Variants in ARHGAP39 observed in about 807,000 individuals in gnomAD.
ARHGAP39 encodes Rho GTPase activating protein 39, also known as rho GTPase-activating protein 39.
In ARHGAP39, 44 loss-of-function variants were observed where a neutral mutation model predicts 106.9. That is an observed-to-expected ratio of 0.41 (90% CI 0.32 to 0.53). ARHGAP39 has a LOEUF of 0.53. Ranked by LOEUF, ARHGAP39 falls within the 20% of genes least tolerant of loss-of-function variation. The probability of loss-of-function intolerance (pLI) is 0.21; values close to 1 mark genes in which losing one functional copy is unlikely to be tolerated. For missense variants in ARHGAP39, 1,496 were observed against 1,577.3 expected (o/e 0.95, Z 0.87); for synonymous variants, 768 against 693.2 (o/e 1.11, Z -1.69).
intron 3 of ARHGAP39, among the ~76,000 whole-genome samples, chr8:144,574,543 G>A (rs113554215): frequency 0.067 from 10,186 of 152,024 alleles, 1,112 homozygotes; most frequent in African/African-American, 0.23. Context: ...GTGTGGTGGC[G>A]GGCACCTGTA....
intron 1 of ARHGAP39, among the ~76,000 whole-genome samples, chr8:144,610,277 CGTTT>C (rs1343911331): frequency 6.6e-6 from 1 of 152,104 alleles, no homozygotes; most frequent in Non-Finnish European, 1.5e-5. Flanking sequence ...ACAGCTTAAT[CGTTT>C]TTTTTCTATT....
intron 1 of ARHGAP39, among the ~76,000 whole-genome samples, chr8:144,676,108 C>T (rs1372465588): frequency 6.6e-6 from 1 of 152,184 alleles, no homozygotes; most frequent in Non-Finnish European, 1.5e-5. Context: ...GTGCGAAGAG[C>T]AAAAGAACAA....
the ARHGAP39 span, among the ~76,000 whole-genome samples, chr8:144,693,933 C>T: frequency 1.5e-4 from 23 of 152,046 alleles, no homozygotes; most frequent in East Asian, 2.3e-3. Context: ...GGGAGGGAGA[C>T]GGGGAGGCTG....
At chr8:144,674,079 G>T (rs951983853) in intron 1 of ARHGAP39, among the ~76,000 whole-genome samples, 1 of 152,080 alleles carries the variant, frequency 6.6e-6, no homozygotes, top group East Asian at 1.9e-4. Context: ...GCTCCCCAAA[G>T]TGCTGCAGCT....
chr8:144,676,023 C>T (rs1257446272), intron 1 of ARHGAP39, among the ~76,000 whole-genome samples: 2 of 152,202 alleles, frequency 1.3e-5, no homozygotes, highest in Admixed American at 1.3e-4. Context: ...AGGAGTGAAG[C>T]TGCAGACCTT....
chr8:144,615,832 C>T (rs546907815), intron 1 of ARHGAP39, among the ~76,000 whole-genome samples: 42 of 152,362 alleles, frequency 2.8e-4, no homozygotes, highest in Non-Finnish European at 4.7e-4. Flanking sequence ...TGGGCAAAGA[C>T]ACGACCCCAG....
chr8:144,674,353 G>A (rs1045401725), intron 1 of ARHGAP39, among the ~76,000 whole-genome samples: 2 of 152,196 alleles, frequency 1.3e-5, no homozygotes, highest in African/African-American at 2.4e-5. Context: ...TTGTCTTGAC[G>A]ACTGTTCAGG....
At chr8:144,617,185 C>A (rs1400344527) in intron 1 of ARHGAP39, among the ~76,000 whole-genome samples, 1 of 150,392 alleles carries the variant, frequency 6.6e-6, no homozygotes, top group Non-Finnish European at 1.5e-5. Context: ...CTGGCCTGGG[C>A]GACAGAGCGA....
intron 1 of ARHGAP39, among the ~76,000 whole-genome samples, chr8:144,643,373 A>G (rs1364321476): frequency 6.6e-6 from 1 of 152,138 alleles, no homozygotes; most frequent in Non-Finnish European, 1.5e-5. Flanking sequence ...GGACTGCTTG[A>G]GCCCGGGAGG....
Position 144,547,910 on chromosome 8 carries a change from C to T in ARHGAP39, c.1176G>A (p.Lys392=). ...CGTAGACCAGCTGCCGCACGTACTCCTTGCCGGCGGGACTGTACTCCAGGC... is the reference window on the plus strand; with the variant it reads ...CGTAGACCAGCTGCCGCACGTACTCTTTGCCGGCGGGACTGTACTCCAGGC... ...FLSLEYSPAG[K]EYVRQLVYVE... Residue 392 remains lysine, a synonymous_variant, in exon 5 of 12, where the codon AAG becomes AAA. Coordinates refer to ENST00000377307, the MANE Select transcript of ARHGAP39 (RefSeq NM_025251.3). This position sits in a 1 kb window ranked among gnomAD's most constrained non-coding sequence, Gnocchi z 5.2. The T allele has an allele frequency of 1.3e-6, 2 of 1,585,278 alleles. No homozygotes were observed. Among genetic ancestry groups the T allele is most frequent in the Non-Finnish European group, 1.7e-6 (2 of 1,166,472 alleles).
Position 144,538,488 on chromosome 8 carries a change from A to C in ARHGAP39, c.2522-675T>G, listed in dbSNP as rs1480464571. ...CTCCTGGAGGGTGGATATGTACGTA[A>C]ATTATTTGTCATTATTCTGCACAGA... On this transcript the variant is annotated intron_variant, in intron 6 of 11. Transcript: ENST00000377307. 2.6e-5 allele frequency among the ~76,000 whole-genome samples: 4 copies of C among 151,886 alleles called. No homozygotes were observed. The East Asian group carries it at 7.9e-4, about 30-fold the overall frequency.
chr8:144,687,791 C>A (rs1308097844), upstream of ARHGAP39, among the ~76,000 whole-genome samples: 2 of 142,136 alleles, frequency 1.4e-5, no homozygotes, highest in South Asian at 2.3e-4. Flanking sequence ...TGAGCACTTC[C>A]CACCCCGTGA....
chr8:144,561,087 AG>A (rs1818124543), intron 3 of ARHGAP39, among the ~76,000 whole-genome samples: 1 of 151,390 alleles, frequency 6.6e-6, no homozygotes. Flanking sequence ...TGAGGAGTTG[AG>A]GACAGTGAGA....
intron 1 of ARHGAP39, among the ~76,000 whole-genome samples, chr8:144,667,654 G>T (rs567374187): frequency 1.3e-5 from 2 of 152,300 alleles, no homozygotes; most frequent in South Asian, 2.1e-4. Flanking sequence ...TGTGACTGTG[G>T]TAAGAGGGAA....
intron 2 of ARHGAP39, among the ~76,000 whole-genome samples, chr8:144,589,594 G>A (rs571581973): frequency 1.0e-3 from 152 of 152,338 alleles, no homozygotes; most frequent in African/African-American, 3.5e-3. Context: ...AGGGACTCCC[G>A]TGACCCCATA....
At chr8:144,698,714 G>T in the ARHGAP39 span, 1 of 391,830 alleles carries the variant, frequency 2.6e-6, no homozygotes. Flanking sequence ...TTCCTGGCCT[G>T]CCTGGCACAG....
rs1819150843 is a variant in ARHGAP39 at position 144,585,560 on chromosome 8, C to T, written c.81-4283G>A. Among the ~76,000 whole-genome samples the T allele has an allele frequency of 6.6e-6, 1 of 152,126 alleles. No individual in the cohort carries two copies. Among genetic ancestry groups the T allele is most frequent in the South Asian group, 2.1e-4 (1 of 4,826 alleles). On this transcript the variant is annotated intron_variant, in intron 2 of 11. Transcript: ENST00000377307. This position sits in a 1 kb window ranked among gnomAD's most constrained non-coding sequence, Gnocchi z 4.6. ...CAACCCTTGGCCTCAGCCCATGATA[C>T]AAAGTGTCAATGACTCCCATCGTTA... is the stretch of plus-strand genomic sequence containing the variant.
intron 5 of ARHGAP39, among the ~76,000 whole-genome samples, chr8:144,546,674 C>T (rs772716039): frequency 1.3e-5 from 2 of 152,160 alleles, no homozygotes; most frequent in Admixed American, 6.5e-5. Context: ...GGAATTCCTG[C>T]GGCCTCTGTC....
At chr8:144,673,309 C>T (rs1015706129) in intron 1 of ARHGAP39, among the ~76,000 whole-genome samples, 6 of 152,090 alleles carry the variant, frequency 3.9e-5, no homozygotes, top group African/African-American at 7.2e-5. Flanking sequence ...AGGCCCTCTG[C>T]GGGCATGCAG....
Sources: gnomAD v4.1 joint callset for allele counts (sites outside exome capture counted in the v4.1 genomes callset) on GRCh38, gnomAD v4.1.1 for gene constraint, Gnocchi (gnomAD v3.1) non-coding constraint, MANE v1.5 for transcripts, NCBI Gene and HGNC (gene_info 2026-07-23, HGNC 2026-07-21) for gene names.